Variants in LRBA observed in about 807,000 individuals in gnomAD.
The protein encoded by LRBA is LPS responsive beige-like anchor protein.
In LRBA, 176 loss-of-function variants were observed where a neutral mutation model predicts 330.0. The ratio of observed to expected loss-of-function variants is 0.53; its 90% CI spans 0.47 to 0.60. The LOEUF is 0.60. Ranked by LOEUF, LRBA falls within the 20% of genes least tolerant of loss-of-function variation. The pLI, the probability that LRBA is intolerant of heterozygous loss-of-function variation, is 0.00. For synonymous variants in LRBA, 1,230 were observed against 1,193.0 expected (o/e 1.03, Z -0.64); for missense variants, 3,259 against 3,444.8 (o/e 0.95, Z 1.35).
At chr4:150,648,155 T>C (rs1158489987) in intron 37 of LRBA, among the ~76,000 whole-genome samples, 1 of 5,076 alleles carries the variant, frequency 2.0e-4, no homozygotes, top group African/African-American at 2.7e-4. Context: ...GGAACACAAG[T>C]AGCAAAAAAA....
intron 34 of LRBA, among the ~76,000 whole-genome samples, chr4:150,763,806 T>C (rs1735406385): frequency 1.3e-5 from 2 of 151,784 alleles, no homozygotes; most frequent in African/African-American, 4.8e-5. Context: ...GGACCTCAGC[T>C]AGGAAGATTC....
chr4:150,888,823 G>C (rs1729196328), intron 17 of LRBA, among the ~76,000 whole-genome samples: 1 of 152,156 alleles, frequency 6.6e-6, no homozygotes, highest in Non-Finnish European at 1.5e-5. Context: ...TAAACATACT[G>C]TAAAAAACCT....
chr4:150,745,017 A>G (rs1297016115), intron 35 of LRBA, among the ~76,000 whole-genome samples: 1 of 152,178 alleles, frequency 6.6e-6, no homozygotes, highest in Non-Finnish European at 1.5e-5. Flanking sequence ...GAGACAGGGA[A>G]GTATGGACAG....
intron 31 of LRBA, among the ~76,000 whole-genome samples, chr4:150,809,953 A>G (rs1553966806): frequency 6.6e-6 from 1 of 151,586 alleles, no homozygotes; most frequent in Non-Finnish European, 1.5e-5. Context: ...GCTTCACACC[A>G]CTCCCAGAAC....
At chr4:150,793,606 GA>G (rs990588454) in intron 34 of LRBA, among the ~76,000 whole-genome samples, 1 of 151,516 alleles carries the variant, frequency 6.6e-6, no homozygotes, top group Non-Finnish European at 1.5e-5. Context: ...GGATACAATA[GA>G]AAAAAAACAC....
At chr4:150,773,938 ATTATTTCC>A (rs1245787123) in intron 34 of LRBA, among the ~76,000 whole-genome samples, 17 of 152,262 alleles carry the variant, frequency 1.1e-4, no homozygotes, top group African/African-American at 4.1e-4. Flanking sequence ...CAATAATCTG[ATTATTTCC>A]TTTTCCCCAG....
intron 47 of LRBA, among the ~76,000 whole-genome samples, chr4:150,408,200 A>G (rs1201360651): frequency 1.3e-5 from 2 of 152,146 alleles, no homozygotes; most frequent in Non-Finnish European, 2.9e-5. Context: ...AAAAATCAGT[A>G]TAAATGAGGT....
intron 9 of LRBA, among the ~76,000 whole-genome samples, chr4:150,912,997 A>G (rs951227332): frequency 2.0e-5 from 3 of 152,208 alleles, no homozygotes; most frequent in African/African-American, 7.2e-5. Context: ...TTTCTACATT[A>G]AACATTTTCT....
rs141560941 is a variant in LRBA at position 150,667,293 on chromosome 4, C to G, written c.5921+16258G>C. Among the ~76,000 whole-genome samples the G allele has an allele frequency of 2.8e-3, 419 of 152,170 alleles. 1 individual carries two copies. The highest frequency in any genetic ancestry group is 3.7e-3 in the Non-Finnish European group (252 of 68,012). ...TGAGGGCATTATCCAGGATTAACTTCGTTGGGCATGTAATCATAAGCATCC... is the reference window on the plus strand; with the variant it reads ...TGAGGGCATTATCCAGGATTAACTTGGTTGGGCATGTAATCATAAGCATCC... On this transcript the variant is annotated intron_variant, in intron 37 of 56. Coordinates refer to ENST00000651943, the MANE Select transcript of LRBA (RefSeq NM_001364905.1).
chr4:150,391,227 G>A (rs1457678529), intron 47 of LRBA, among the ~76,000 whole-genome samples: 2 of 152,186 alleles, frequency 1.3e-5, no homozygotes, highest in African/African-American at 2.4e-5. Context: ...GAATGATGAT[G>A]AAACCAGACA....
At chr4:150,771,347 C>T (rs764752914) in intron 34 of LRBA, among the ~76,000 whole-genome samples, 7 of 152,144 alleles carry the variant, frequency 4.6e-5, no homozygotes, top group South Asian at 2.1e-4. Context: ...TAAGGTATTG[C>T]CACCTACATT....
At chr4:150,329,160 A>G (rs1463675616) in intron 48 of LRBA, among the ~76,000 whole-genome samples, 1 of 152,184 alleles carries the variant, frequency 6.6e-6, no homozygotes, top group African/African-American at 2.4e-5. Flanking sequence ...AATAATAATC[A>G]ATTTTCTTTC....
intron 36 of LRBA, among the ~76,000 whole-genome samples, chr4:150,717,179 G>A (rs1728309221): frequency 1.3e-5 from 2 of 152,104 alleles, no homozygotes; most frequent in Non-Finnish European, 1.5e-5. Flanking sequence ...AAATTGGGCT[G>A]AAGATAATAA....
At chr4:150,576,365 A>T (rs1167739857) in intron 40 of LRBA, among the ~76,000 whole-genome samples, 1 of 151,968 alleles carries the variant, frequency 6.6e-6, no homozygotes, top group Non-Finnish European at 1.5e-5. Context: ...AGGTCAAAAG[A>T]CATATGCCAA....
chr4:150,831,773 T>C, intron 29 of LRBA, 44 bp downstream of exon 29: 2 of 1,454,934 alleles, frequency 1.4e-6, no homozygotes, highest in Non-Finnish European at 1.9e-6. Flanking sequence ...GTAAGTAACA[T>C]TTATTTGAAC....
At chr4:150,613,480 A>G (rs1775463495) in intron 37 of LRBA, among the ~76,000 whole-genome samples, 1 of 152,254 alleles carries the variant, frequency 6.6e-6, no homozygotes, top group Non-Finnish European at 1.5e-5. Flanking sequence ...AATTGGGTAT[A>G]AGCTAAAGTT....
Position 150,321,333 on chromosome 4 carries a change from A to T in LRBA, c.7488T>A (p.Asp2496Glu). The T allele has an allele frequency of 6.2e-7, 1 of 1,605,682 alleles. No homozygotes were observed. The highest frequency in any genetic ancestry group is 8.5e-7 in the Non-Finnish European group (1 of 1,177,310). ...PLMFTDKAQQ[D>E]VIMVLKFPSN... ...AGGGAAACTTGAGGACCATGATAAC[A>T]TCCTGCTGGGCTTTGTCTGTGAACA... is the stretch of plus-strand genomic sequence containing the variant. Residue 2496 changes from aspartate to glutamate, a missense_variant, in exon 50 of 57, where the codon GAT becomes GAA. Physicochemically the swap from Asp to Glu is conservative, Grantham distance 45. Transcript: ENST00000651943. This position sits in a 1 kb window ranked among gnomAD's most constrained non-coding sequence, Gnocchi z 4.5.
intron 42 of LRBA, among the ~76,000 whole-genome samples, chr4:150,473,325 T>C (rs991544616): frequency 2.0e-5 from 3 of 152,350 alleles, no homozygotes; most frequent in South Asian, 4.1e-4. Flanking sequence ...TAGAATTCTA[T>C]ATACATTCTG....
At chr4:150,751,371 T>C (rs899077552) in intron 35 of LRBA, among the ~76,000 whole-genome samples, 36 of 152,242 alleles carry the variant, frequency 2.4e-4, no homozygotes, top group Admixed American at 1.6e-3. Context: ...ACAATGTTAT[T>C]TGTCCTTTCA....
Sources: gnomAD v4.1 joint callset for allele counts (sites outside exome capture counted in the v4.1 genomes callset) on GRCh38, gnomAD v4.1.1 for gene constraint, Gnocchi (gnomAD v3.1) non-coding constraint, MANE v1.5 for transcripts, NCBI Gene and HGNC (gene_info 2026-07-23, HGNC 2026-07-21) for gene names.